Variants in CACNA2D3 observed in about 807,000 individuals in gnomAD.
The protein encoded by CACNA2D3 is voltage-dependent calcium channel subunit alpha-2/delta-3.
CACNA2D3 carries 60 observed loss-of-function variants against 160.6 expected under a neutral mutation model. The ratio of observed to expected loss-of-function variants is 0.37; its 90% confidence interval spans 0.30 to 0.46. The LOEUF is 0.46. CACNA2D3 is among the 20% of genes least tolerant of loss of function. The probability of loss-of-function intolerance (pLI) is 1.00; values close to 1 mark genes in which losing one functional copy is unlikely to be tolerated. For synonymous variants in CACNA2D3, 558 were observed against 492.9 expected, an observed-to-expected ratio of 1.13 and a Z score of -1.75; for missense variants, 1,205 against 1,365.0, an observed-to-expected ratio of 0.88 and a Z score of 1.85.
intron 2 of CACNA2D3, among the ~76,000 whole-genome samples, chr3:54,149,928 T>TCTCTCTCTCTCTCTCTCTCCCTCCCTCC: frequency 2.8e-5 from 1 of 35,556 alleles, no homozygotes; most frequent in East Asian, 7.8e-4. Flanking sequence ...TCTCTCTCTC[T>TCTCTCTCTCTCTCTCTCTCCCTCCCTCC]CTCCCTCCCT....
At chr3:54,431,580 T>A (rs1330689702) in intron 4 of CACNA2D3, among the ~76,000 whole-genome samples, 1 of 152,150 alleles carries the variant, frequency 6.6e-6, no homozygotes, top group Non-Finnish European at 1.5e-5. Context: ...TGTATATATG[T>A]ATATTTTTAA....
chr3:54,566,688 A>G (rs753113331), intron 6 of CACNA2D3, among the ~76,000 whole-genome samples: 11 of 152,170 alleles, frequency 7.2e-5, no homozygotes, highest in Non-Finnish European at 1.2e-4. Context: ...CCCTTCCCCA[A>G]CATCAGACTG....
chr3:54,944,865 A>T (rs1701574100), intron 27 of CACNA2D3, among the ~76,000 whole-genome samples: 1 of 151,320 alleles, frequency 6.6e-6, no homozygotes, highest in Admixed American at 6.6e-5. Flanking sequence ...CTGTAACACT[A>T]ACTCATTTAG....
At chr3:54,215,236 T>C (rs1000205117) in intron 2 of CACNA2D3, among the ~76,000 whole-genome samples, 2 of 152,238 alleles carry the variant, frequency 1.3e-5, no homozygotes, top group Non-Finnish European at 2.9e-5. Context: ...ATATTTATGG[T>C]ACACAATGTG....
chr3:54,275,718 A>C (rs1014786896), intron 2 of CACNA2D3, among the ~76,000 whole-genome samples: 1 of 152,150 alleles, frequency 6.6e-6, no homozygotes. Context: ...TCTGGGTTCA[A>C]GCAGTTCTCG....
chr3:54,901,914 C>T (rs937528365), intron 27 of CACNA2D3, among the ~76,000 whole-genome samples: 1 of 152,188 alleles, frequency 6.6e-6, no homozygotes, highest in Non-Finnish European at 1.5e-5. Context: ...ACTCAACCAT[C>T]ATATCACTGT....
chr3:54,916,475 A>G (rs1003688837), intron 27 of CACNA2D3, among the ~76,000 whole-genome samples: 10 of 152,164 alleles, frequency 6.6e-5, no homozygotes, highest in Admixed American at 2.0e-4. Context: ...TCTTTGATCT[A>G]CAATTTAAGG....
intron 27 of CACNA2D3, among the ~76,000 whole-genome samples, chr3:54,938,877 G>A (rs139463209): frequency 1.2e-4 from 19 of 152,236 alleles, no homozygotes; most frequent in African/African-American, 4.1e-4. Context: ...CCCCATTAGT[G>A]TGCCATGGGC....
At chr3:54,202,047 A>T (rs556183588) in intron 2 of CACNA2D3, among the ~76,000 whole-genome samples, 1 of 152,372 alleles carries the variant, frequency 6.6e-6, no homozygotes, top group East Asian at 1.9e-4. Flanking sequence ...AACATGTGCC[A>T]TGCAATATTT....
At chr3:54,331,640 G>T (rs1704258626) in intron 3 of CACNA2D3, among the ~76,000 whole-genome samples, 2 of 152,080 alleles carry the variant, frequency 1.3e-5, no homozygotes, top group Non-Finnish European at 2.9e-5. Flanking sequence ...AAAAATTCTT[G>T]GCTGGGTGCG....
At chr3:54,258,057 G>A (rs1458107591) in intron 2 of CACNA2D3, among the ~76,000 whole-genome samples, 1 of 152,174 alleles carries the variant, frequency 6.6e-6, no homozygotes, top group East Asian at 1.9e-4. Flanking sequence ...AAGATAAAAG[G>A]GCTGTAGAAA....
At position 54,687,142 on chromosome 3, in the gene CACNA2D3, T is replaced by TTTG. The variant is rs1267494714; in HGVS notation, c.1167+44903_1167+44904insGTT. On this transcript the variant is annotated intron_variant, in intron 11 of 37. Transcript: ENST00000474759. ...TTTTCTTTTTTTTTTTTTGTTTTTT[T>TTTG]TTTTTTTTGTTTTTTTGACACTGGG... Among the ~76,000 whole-genome samples, 46 of 72,960 alleles carry TTTG rather than the reference T, an allele frequency of 6.3e-4. 1 individual carries two copies. In the East Asian group the frequency reaches 8.7e-3, roughly 14 times the overall value. 47.9% of individuals were successfully genotyped at this position (72,960 alleles called of 152,430 possible). A position where few individuals can be genotyped will look rare whatever the true frequency, so the allele number is the denominator to read the frequency against.
At chr3:54,400,819 C>G (rs971187148) in intron 4 of CACNA2D3, among the ~76,000 whole-genome samples, 2 of 152,078 alleles carry the variant, frequency 1.3e-5, no homozygotes, top group Non-Finnish European at 2.9e-5. Context: ...GACATCAATG[C>G]AAGGAACAAG....
chr3:54,314,680 A>C (rs901118223), intron 2 of CACNA2D3, among the ~76,000 whole-genome samples: 1 of 152,136 alleles, frequency 6.6e-6, no homozygotes, highest in East Asian at 1.9e-4. Flanking sequence ...ATTTTTTCAT[A>C]TGTTTCTTGG....
At chr3:54,764,552 A>C (rs958836658) in intron 13 of CACNA2D3, among the ~76,000 whole-genome samples, 1 of 152,224 alleles carries the variant, frequency 6.6e-6, no homozygotes, top group East Asian at 1.9e-4. Flanking sequence ...CACGTACTTC[A>C]GAAAGGTAGC....
chr3:54,610,934 A>G (rs542633272), intron 9 of CACNA2D3, among the ~76,000 whole-genome samples: 1 of 151,566 alleles, frequency 6.6e-6, no homozygotes, highest in Non-Finnish European at 1.5e-5. Flanking sequence ...CTGCCTGGAC[A>G]TTTTTTTTCA....
intron 27 of CACNA2D3, among the ~76,000 whole-genome samples, chr3:54,963,291 G>T (rs1702073959): frequency 6.6e-6 from 1 of 152,044 alleles, no homozygotes; most frequent in African/African-American, 2.4e-5. Context: ...GTATGGACGG[G>T]TTTGTGGAGA....
At chr3:54,626,684 CAAAAAAAAAAAAAA>C (rs71096430) in intron 9 of CACNA2D3, 21 of 318,288 alleles carry the variant, frequency 6.6e-5, no homozygotes, top group East Asian at 3.4e-4. Context: ...TGGTTCCAGT[CAAAAAAAAAAAAAA>C]AAAAAAAAAA....
chr3:54,863,209 C>G (rs923646246), intron 17 of CACNA2D3, among the ~76,000 whole-genome samples: 14 of 152,182 alleles, frequency 9.2e-5, no homozygotes, highest in African/African-American at 3.4e-4. Context: ...TGTCTTGCAT[C>G]TAACTTTTGT....
Sources: allele counts gnomAD v4.1 joint callset (sites outside exome capture counted in the v4.1 genomes callset), GRCh38; gene constraint gnomAD v4.1.1; transcripts MANE v1.5; gene names NCBI Gene and HGNC (gene_info 2026-07-23, HGNC 2026-07-21).